The following OFD1 variants were observed in gnomAD, a reference collection of about 807,000 sequenced individuals.
OFD1 encodes the protein centriole and centriolar satellite protein OFD1.
In OFD1, 12 loss-of-function variants were observed where a neutral mutation model predicts 81.4. That is an observed-to-expected ratio of 0.15 (90% confidence interval 0.09 to 0.24). The LOEUF is 0.24. Ranked by LOEUF, OFD1 falls within the 10% of genes least tolerant of loss-of-function variation. OFD1 has a pLI of 1.00. For synonymous variants in OFD1, 256 were observed against 263.7 expected, an observed-to-expected ratio of 0.97 and a Z score of 0.28; for missense variants, 685 against 733.9, an observed-to-expected ratio of 0.93 and a Z score of 0.77.
At chrX:13,771,613 G>A (rs758851689), downstream of OFD1, 1 of 111,766 alleles carries the variant, frequency 8.9e-6, no homozygotes, top group Admixed American at 9.6e-5. Context: ...ATAGTAAGCA[G>A]CCCCTTTGAA....
intron 10 of OFD1, chrX:13,753,085 C>T: frequency 6.4e-6 from 6 of 942,446 alleles, no homozygotes; most frequent in Non-Finnish European, 8.0e-6. Flanking sequence ...TTGAGACCAA[C>T]TGAAAAGTGA....
chrX:13,752,516 C>T (rs1160665413), intron 10 of OFD1, among the ~76,000 whole-genome samples: 1 of 112,337 alleles, frequency 8.9e-6, no homozygotes, highest in African/African-American at 3.2e-5. Flanking sequence ...AAAAATATGG[C>T]AGCTTTTTTA....
intron 8 of OFD1, 84 bp from the exon 9 acceptor site, chrX:13,749,343 T>C: frequency 1.8e-6 from 1 of 570,673 alleles, no homozygotes; most frequent in South Asian, 2.4e-5. Flanking sequence ...CTTTGCTTTT[T>C]GGAATGTAGG....
In OFD1 at chrX:13,769,096, C is replaced by T. The variant is rs758646234; in HGVS notation, c.3027C>T (p.Asp1009=). 4.8e-5 allele frequency: 57 copies of T among 1,193,190 alleles called. No homozygotes were observed. The highest frequency in any genetic ancestry group is 4.4e-5 in the Admixed American group (2 of 45,809). The change falls in exon 23 of 23, where the codon GAC becomes GAT. Residue 1009 remains aspartate (D), a synonymous_variant. Coordinates refer to ENST00000340096, the MANE Select transcript of OFD1 (RefSeq NM_003611.3). ...SLTGFSHEEL[D]DSW is the part of the protein sequence containing the mutation. The stretch of plus-strand genomic sequence containing the variant: ...CAGGCTTTTCTCATGAAGAACTAGA[C>T]GACTCTTGGTAACCATGTTTGCTGC...
At chrX:13,729,406 G>A in the OFD1 span, among the ~76,000 whole-genome samples, 1 of 111,566 alleles carries the variant, frequency 9.0e-6, no homozygotes, top group Non-Finnish European at 1.9e-5. Flanking sequence ...CAGATATATA[G>A]ACCAATGGAA....
chrX:13,759,411 C>T (rs771471155), intron 15 of OFD1, among the ~76,000 whole-genome samples: 2 of 112,224 alleles, frequency 1.8e-5, no homozygotes, highest in Non-Finnish European at 3.8e-5. Context: ...CATGTGTTGC[C>T]GAGGGCAAGC....
chrX:13,732,553 T>C (rs1025856732), upstream of OFD1, among the ~76,000 whole-genome samples: 2 of 112,797 alleles, frequency 1.8e-5, no homozygotes, highest in Non-Finnish European at 3.7e-5. Flanking sequence ...CAATTATCCA[T>C]GTCTGCTATG....
At chrX:13,728,899 A>G in the OFD1 span, among the ~76,000 whole-genome samples, 2 of 112,390 alleles carry the variant, frequency 1.8e-5, no homozygotes, top group African/African-American at 6.5e-5. Context: ...CAGCTTCAGC[A>G]AAGTCGCAGG....
At chrX:13,770,872 A>G (rs1432064890), downstream of OFD1, among the ~76,000 whole-genome samples, 1 of 112,330 alleles carries the variant, frequency 8.9e-6, no homozygotes, top group Non-Finnish European at 1.9e-5. Flanking sequence ...GACTCTGCAC[A>G]TTATTCAAAA....
At chrX:13,755,968 T>TTTTTTTTTTTTTTTTG (rs1298406528) in intron 12 of OFD1, among the ~76,000 whole-genome samples, 1 of 96,935 alleles carries the variant, frequency 1.0e-5, no homozygotes, top group African/African-American at 4.1e-5. Flanking sequence ...TTTTTTTTTT[T>TTTTTTTTTTTTTTTTG]GAGACAGAGT....
intron 17 of OFD1, 70 bp from the exon 18 acceptor site, chrX:13,762,274 G>A (rs2047964264): frequency 1.5e-6 from 1 of 685,668 alleles, no homozygotes; most frequent in Non-Finnish European, 2.4e-6. Context: ...GTCACAAAAG[G>A]CTTTTTGTCA....
chrX:13,715,301 C>T, the OFD1 span, among the ~76,000 whole-genome samples: 108 of 112,573 alleles, frequency 9.6e-4, no homozygotes, highest in African/African-American at 3.2e-3. Context: ...GGCAAAACCT[C>T]GTCTCTACTG....
chrX:13,736,826 A>G (rs1463690259), intron 3 of OFD1, 148 bp downstream of exon 3: 3 of 464,180 alleles, frequency 6.5e-6, no homozygotes, highest in African/African-American at 2.4e-5. Context: ...CACATAATAT[A>G]TTTGTTATAT....
rs747997101 is a variant in OFD1 at position 13,744,533 on chromosome X, T to C, written c.517+14T>C. ...GAGATTCTCTGGGTAATTATAGCCT[T>C]CTTTCTTAATTTCAGTTCTGCTGTT... On this transcript the variant is annotated intron_variant, in intron 6 of 22. Transcript: ENST00000340096. 75 of 961,534 alleles carry C rather than the reference T, an allele frequency of 7.8e-5. No homozygotes were observed. The highest frequency in any genetic ancestry group is 1.8e-4 in the Admixed American group (8 of 45,408). The allele number at this position is 961,534 out of a possible 1,213,427, so 79.2% of individuals were successfully genotyped here.
the OFD1 span, among the ~76,000 whole-genome samples, chrX:13,726,066 A>C: frequency 9.2e-6 from 1 of 108,127 alleles, no homozygotes; most frequent in South Asian, 3.9e-4. Context: ...AGAAAAAAGA[A>C]TAAAAAGAAA....
chrX:13,722,808 A>T, the OFD1 span, among the ~76,000 whole-genome samples: 1 of 111,949 alleles, frequency 8.9e-6, no homozygotes, highest in South Asian at 3.7e-4. Context: ...TCACGCCTGT[A>T]ATCCCAGCAC....
At chrX:13,717,696 G>C in the OFD1 span, among the ~76,000 whole-genome samples, 2 of 111,260 alleles carry the variant, frequency 1.8e-5, no homozygotes, top group Admixed American at 1.9e-4. Context: ...CCGAGATCAC[G>C]CCATTGCACT....
At chrX:13,726,370 T>A in the OFD1 span, among the ~76,000 whole-genome samples, 1 of 111,823 alleles carries the variant, frequency 8.9e-6, no homozygotes, top group African/African-American at 3.3e-5. Context: ...AAAGGTCGGG[T>A]TACCCACAAA....
Position 13,756,304 on chromosome X carries a change from GATT to G in OFD1, c.1222-270_1222-268del, listed in dbSNP as rs767277293. 4.5e-5 allele frequency among the ~76,000 whole-genome samples: 5 copies of G among 111,785 alleles called. No individual in the cohort carries two copies. In the East Asian group the frequency reaches 1.4e-3, roughly 31 times the overall value. On this transcript the variant is annotated intron_variant, in intron 12 of 22. Coordinates refer to ENST00000340096, the MANE Select transcript of OFD1 (RefSeq NM_003611.3). Reference sequence around the variant, plus strand: ...AAAAATATATATTGCTATGATGTGTGATTATTGTTGGGTTCTTGGTTGCCTCTG... The same window carrying G: ...AAAAATATATATTGCTATGATGTGTGATTGTTGGGTTCTTGGTTGCCTCTG...
Sources: allele counts gnomAD v4.1 joint callset (sites outside exome capture counted in the v4.1 genomes callset), GRCh38; gene constraint gnomAD v4.1.1; transcripts MANE v1.5; gene names NCBI Gene and HGNC (gene_info 2026-07-23, HGNC 2026-07-21).